The following GPSM2 variants were observed in gnomAD, a reference collection of about 807,000 sequenced individuals.
The protein encoded by GPSM2 is G protein signaling modulator 2, also known as G protein-signaling modulator 2.
Under a neutral mutation model 78.4 loss-of-function variants are expected in GPSM2, and 58 were observed. The ratio of observed to expected loss-of-function variants is 0.74; its 90% CI spans 0.60 to 0.92. The LOEUF (loss-of-function observed/expected upper bound fraction) is 0.92, where lower values mean the gene tolerates loss of function less well. Among genes scored for constraint, GPSM2 ranks in the 40% least tolerant of loss-of-function variants. The pLI is 0.00. For missense variants in GPSM2, 700 were observed against 815.5 expected (o/e 0.86, Z 1.73); for synonymous variants, 224 against 280.2 (o/e 0.80, Z 2.00).
intron 14 of GPSM2, 171 bp downstream of exon 14, chr1:108,924,385 G>A: frequency 2.9e-6 from 2 of 687,808 alleles, no homozygotes; most frequent in Non-Finnish European, 5.4e-6. Flanking sequence ...GCTATTCTAG[G>A]CATCGAGGAC....
intron 12 of GPSM2, among the ~76,000 whole-genome samples, chr1:108,921,396 G>C (rs1368284606): frequency 7.2e-6 from 1 of 139,800 alleles, no homozygotes; most frequent in South Asian, 2.5e-4. Context: ...CTTCAGCCTG[G>C]ATGACAGAGC....
chr1:108,878,201 G>A (rs1325130558), intron 1 of GPSM2, among the ~76,000 whole-genome samples: 1 of 152,106 alleles, frequency 6.6e-6, no homozygotes, highest in Admixed American at 6.5e-5. Flanking sequence ...TGATTGTTTA[G>A]AAGTGAATAA....
intron 6 of GPSM2, 54 bp downstream of exon 6, chr1:108,898,819 G>T: frequency 6.2e-7 from 1 of 1,603,264 alleles, no homozygotes; most frequent in Non-Finnish European, 8.5e-7. Context: ...GTTCTGAACA[G>T]TGATTAGATC....
chr1:108,896,798 A>G (rs1267613173), intron 2 of GPSM2, 66 bp from the exon 3 acceptor site: 3 of 1,193,304 alleles, frequency 2.5e-6, no homozygotes, highest in Non-Finnish European at 2.5e-6. Context: ...ATATTACGGG[A>G]AGTTAAAAAT....
At chr1:108,915,450 C>T (rs1359762686) in intron 11 of GPSM2, among the ~76,000 whole-genome samples, 2 of 147,322 alleles carry the variant, frequency 1.4e-5, no homozygotes, top group Admixed American at 6.8e-5. Context: ...TTTTTTGAGA[C>T]GGAGTCTCGC....
chr1:108,906,977 C>T (rs1023079901), intron 10 of GPSM2, among the ~76,000 whole-genome samples: 18 of 152,268 alleles, frequency 1.2e-4, no homozygotes, highest in African/African-American at 2.4e-4. Flanking sequence ...TTAGAATATA[C>T]GTCGTTCCTC....
At chr1:108,929,536 TCAGGCTGGG>T (rs1651522227) in intron 14 of GPSM2, 156 bp from the exon 15 acceptor site, 2 of 665,966 alleles carry the variant, frequency 3.0e-6, no homozygotes, top group Non-Finnish European at 5.2e-6. Context: ...CTTTCAGAAA[TCAGGCTGGG>T]AACTAAAGAG....
rs191870755 is a variant in GPSM2 at position 108,924,030 on chromosome 1, C to A, written c.1631C>A (p.Thr544Lys). 1 of 1,611,554 alleles carries A rather than the reference C, an allele frequency of 6.2e-7. No individual in the cohort carries two copies. The highest frequency in any genetic ancestry group is 8.5e-7 in the Non-Finnish European group (1 of 1,177,726). The change falls in exon 14 of 15, where the codon ACG (threonine) becomes AAG (lysine). Residue 544 changes from threonine (T) to lysine (K), a missense_variant. Coordinates refer to ENST00000264126, the MANE Select transcript of GPSM2 (RefSeq NM_013296.5). ...TCTGTTCCTGTGGTATCCCCCAACACGGATGAGTTTTTAGATCTTCTTGCC... is the reference window on the plus strand; with the variant it reads ...TCTGTTCCTGTGGTATCCCCCAACAAGGATGAGTTTTTAGATCTTCTTGCC... ...TSSVPVVSPN[T>K]DEFLDLLASS... is the part of the protein sequence containing the mutation.
chr1:108,932,372 T>TC lies in GPSM2; in HGVS notation c.*2432_*2433insC, dbSNP rs1274855459. 1.3e-5 allele frequency: 2 copies of TC among 152,242 alleles called. No individual in the cohort carries two copies. The highest frequency in any genetic ancestry group is 4.8e-5 in the African/African-American group (2 of 41,462). The allele number at this position is 152,242 out of a possible 1,614,324, so 9.4% of individuals were successfully genotyped here. On this transcript the variant is annotated 3_prime_UTR_variant, in exon 15 of 15. Transcript: ENST00000264126. The stretch of plus-strand genomic sequence containing the variant: ...GTCTTATCTCATCTCATCTCTTTTC[T>TC]GATAACAAACACCCGATGTGTTCAA...
chr1:108,931,976 GCTT>G lies in GPSM2; in HGVS notation c.*2038_*2040del, dbSNP rs1257739945. 2 of 153,332 alleles carry G rather than the reference GCTT, an allele frequency of 1.3e-5. No homozygotes were observed. Among genetic ancestry groups the G allele is most frequent in the Admixed American group, 1.3e-4 (2 of 15,390 alleles). 9.5% of individuals were successfully genotyped at this position (153,332 alleles called of 1,614,324 possible). ...CTACCCTGTTCTGATTTTCCTAAAA[GCTT>G]CACACTATATAGGCTGGGCACAATG... is the stretch of plus-strand genomic sequence containing the variant. On this transcript the variant is annotated 3_prime_UTR_variant, in exon 15 of 15. Transcript: ENST00000264126.
intron 10 of GPSM2, among the ~76,000 whole-genome samples, chr1:108,913,521 T>G (rs975367961): frequency 4.6e-5 from 7 of 152,192 alleles, no homozygotes; most frequent in African/African-American, 1.4e-4. Context: ...ACATACAGTA[T>G]GATACCATTT....
chr1:108,885,104 AC>A (rs1647427153), intron 1 of GPSM2, among the ~76,000 whole-genome samples, 170 bp from the exon 2 acceptor site: 1 of 152,054 alleles, frequency 6.6e-6, no homozygotes, highest in Admixed American at 6.6e-5. Flanking sequence ...ATCTATTCCC[AC>A]CCCTATTTAG....
chr1:108,896,182 C>T (rs1648352341), intron 2 of GPSM2, among the ~76,000 whole-genome samples: 2 of 152,134 alleles, frequency 1.3e-5, no homozygotes, highest in Admixed American at 6.6e-5. Context: ...TTTTTCAATT[C>T]AGGGACAGAC....
At chr1:108,918,558 A>G in intron 11 of GPSM2, 55 bp from the exon 12 acceptor site, 1 of 1,291,192 alleles carries the variant, frequency 7.7e-7, no homozygotes, top group Non-Finnish European at 1.1e-6. Context: ...AAACCAGAAG[A>G]GAGCTGGGGA....
intron 11 of GPSM2, among the ~76,000 whole-genome samples, chr1:108,917,319 G>A (rs912973079): frequency 2.0e-5 from 3 of 151,862 alleles, no homozygotes; most frequent in African/African-American, 7.3e-5. Flanking sequence ...TGTAATCTCA[G>A]CACTTTGGGA....
Position 108,899,006 on chromosome 1 carries a change from A to G in GPSM2, c.797+12A>G. 1 of 1,354,496 alleles carries G rather than the reference A, an allele frequency of 7.4e-7. No homozygotes were observed. Among genetic ancestry groups the G allele is most frequent in the Non-Finnish European group, 1.1e-6 (1 of 944,490 alleles). 83.9% of individuals were successfully genotyped at this position (1,354,496 alleles called of 1,614,324 possible). On this transcript the variant is annotated intron_variant, in intron 7 of 14. Coordinates refer to ENST00000264126, the MANE Select transcript of GPSM2 (RefSeq NM_013296.5). ...TCGGAATACTACAAGTTAGTCTAAT[A>G]TTTCTGTAGATAAATGTAAAATGAA...
At chr1:108,921,929 TATAA>T (rs1433499349) in intron 12 of GPSM2, among the ~76,000 whole-genome samples, 27 of 152,356 alleles carry the variant, frequency 1.8e-4, no homozygotes, top group Admixed American at 1.4e-3. Context: ...CCAAATGAAG[TATAA>T]ATATAGTTCT....
At chr1:108,924,273 T>C (rs1234176591) in intron 14 of GPSM2, 59 bp downstream of exon 14, 1 of 1,021,844 alleles carries the variant, frequency 9.8e-7, no homozygotes, top group African/African-American at 1.6e-5. Context: ...AAAACATTGG[T>C]AGTGTTATAA....
chr1:108,886,880 T>G (rs866359701), intron 2 of GPSM2, among the ~76,000 whole-genome samples: 3 of 150,808 alleles, frequency 2.0e-5, no homozygotes, highest in East Asian at 3.9e-4. Flanking sequence ...GTGTGTGTGT[T>G]TTTGTGTTTT....
Sources: allele counts gnomAD v4.1 joint callset (sites outside exome capture counted in the v4.1 genomes callset), GRCh38; gene constraint gnomAD v4.1.1; transcripts MANE v1.5; gene names NCBI Gene and HGNC (gene_info 2026-07-23, HGNC 2026-07-21).